LUZP2: variants seen among roughly 807,000 people sequenced by gnomAD.
LUZP2 encodes the protein leucine zipper protein 2.
LUZP2 carries 52 observed loss-of-function variants against 51.6 expected under a neutral mutation model. That is an observed-to-expected ratio of 1.01 (90% CI 0.81 to 1.27). The LOEUF is 1.27. Among genes scored for constraint, LUZP2 ranks in the 50% most tolerant of loss-of-function variants. The pLI, the probability that LUZP2 is intolerant of heterozygous loss-of-function variation, is 0.00. For missense variants in LUZP2, 436 were observed against 395.4 expected, an observed-to-expected ratio of 1.10 and a Z score of -0.87; for synonymous variants, 154 against 137.3, an observed-to-expected ratio of 1.12 and a Z score of -0.85.
chr11:24,702,505 A>G (rs141121292), intron 1 of LUZP2, among the ~76,000 whole-genome samples: 1 of 152,330 alleles, frequency 6.6e-6, no homozygotes, highest in Non-Finnish European at 1.5e-5. Flanking sequence ...TGAGCTTACA[A>G]TCATGGCAGA....
chr11:24,912,683 G>T (rs551631516), intron 6 of LUZP2, among the ~76,000 whole-genome samples: 1 of 151,998 alleles, frequency 6.6e-6, no homozygotes, highest in African/African-American at 2.4e-5. Context: ...GCTGGTGTGC[G>T]CCTGTAGTCC....
At chr11:24,833,602 T>C (rs752373074) in intron 5 of LUZP2, among the ~76,000 whole-genome samples, 1 of 152,052 alleles carries the variant, frequency 6.6e-6, no homozygotes, top group Non-Finnish European at 1.5e-5. Flanking sequence ...TAAAAAGTGC[T>C]CATTTTTGAG....
chr11:24,689,694 C>T (rs971973093), intron 1 of LUZP2, among the ~76,000 whole-genome samples: 1 of 152,144 alleles, frequency 6.6e-6, no homozygotes, highest in Non-Finnish European at 1.5e-5. Context: ...CTTTATCTAA[C>T]TTTATTTTTA....
intron 7 of LUZP2, among the ~76,000 whole-genome samples, chr11:24,975,700 G>C (rs1855864872): frequency 6.6e-6 from 1 of 152,062 alleles, no homozygotes; most frequent in African/African-American, 2.4e-5. Context: ...CAAGGGCTTT[G>C]CCCAATATCA....
At chr11:25,075,609 T>C (rs947258648) in intron 10 of LUZP2, among the ~76,000 whole-genome samples, 14 of 152,138 alleles carry the variant, frequency 9.2e-5, no homozygotes, top group African/African-American at 3.4e-4. Context: ...TTACAGTTGT[T>C]ATAAGCATTA....
At chr11:25,017,478 G>A (rs1249599285) in intron 9 of LUZP2, among the ~76,000 whole-genome samples, 1 of 152,056 alleles carries the variant, frequency 6.6e-6, no homozygotes, top group African/African-American at 2.4e-5. Context: ...TTCTACATGT[G>A]GCTATCCAGT....
chr11:24,623,422 G>A (rs1256536873), intron 1 of LUZP2, among the ~76,000 whole-genome samples: 1 of 152,124 alleles, frequency 6.6e-6, no homozygotes, highest in African/African-American at 2.4e-5. Context: ...ATATGACACA[G>A]ATTCATATAG....
At chr11:24,756,773 A>T (rs540624626) in intron 4 of LUZP2, among the ~76,000 whole-genome samples, 10 of 152,114 alleles carry the variant, frequency 6.6e-5, no homozygotes, top group African/African-American at 2.4e-4. Flanking sequence ...TTCTGACACT[A>T]CTTAGCTGGA....
intron 1 of LUZP2, among the ~76,000 whole-genome samples, chr11:24,694,465 T>G (rs533377130): frequency 6.4e-4 from 98 of 152,212 alleles, no homozygotes; most frequent in African/African-American, 2.3e-3. Flanking sequence ...AGAACTCACT[T>G]TAGCAAATAC....
At chr11:24,544,936 C>T (rs1851492649) in intron 1 of LUZP2, among the ~76,000 whole-genome samples, 1 of 152,032 alleles carries the variant, frequency 6.6e-6, no homozygotes, top group Non-Finnish European at 1.5e-5. Flanking sequence ...TCTCTGCAAA[C>T]CCAACAGCAC....
chr11:24,821,682 T>C (rs1479788065), intron 5 of LUZP2, among the ~76,000 whole-genome samples: 1 of 152,106 alleles, frequency 6.6e-6, no homozygotes, highest in East Asian at 1.9e-4. Flanking sequence ...ATGCAGACTT[T>C]CTTCTTGCAC....
intron 10 of LUZP2, among the ~76,000 whole-genome samples, chr11:25,068,939 C>T (rs1481355023): frequency 1.3e-5 from 2 of 151,864 alleles, no homozygotes; most frequent in African/African-American, 4.8e-5. Flanking sequence ...ATCGCTCAAG[C>T]CTCAGTTCAT....
rs2403973 is a variant in LUZP2 at position 24,638,997 on chromosome 11, G to C, written c.63-90172G>C. Among the ~76,000 whole-genome samples the C allele has an allele frequency of 2.5e-4, 38 of 151,742 alleles. No individual in the cohort carries two copies. In the East Asian group the frequency reaches 6.6e-3, roughly 26 times the overall value. On this transcript the variant is annotated intron_variant, in intron 1 of 11. Transcript: ENST00000336930. ...TGCCACAAGGAAAAAGAGAGAAAAT[G>C]TTCAAAAACTTGTCAAAGACCTGTT...
chr11:24,500,853 A>AT (rs1466673313), intron 1 of LUZP2, among the ~76,000 whole-genome samples: 1 of 152,100 alleles, frequency 6.6e-6, no homozygotes, highest in African/African-American at 2.4e-5. Context: ...CTACATGTTT[A>AT]TTTTGGAATC....
chr11:24,927,417 T>A (rs1854312532), intron 7 of LUZP2, among the ~76,000 whole-genome samples: 2 of 152,114 alleles, frequency 1.3e-5, no homozygotes, highest in Non-Finnish European at 2.9e-5. Context: ...ATTTGATCCA[T>A]CTTGAGTTGA....
intron 5 of LUZP2, among the ~76,000 whole-genome samples, chr11:24,792,141 C>G (rs933516014): frequency 6.6e-6 from 1 of 151,860 alleles, no homozygotes; most frequent in Admixed American, 6.6e-5. Flanking sequence ...AGAAATATAA[C>G]TTTATGGCCA....
At chr11:24,819,901 A>T (rs958620385) in intron 5 of LUZP2, among the ~76,000 whole-genome samples, 2 of 152,150 alleles carry the variant, frequency 1.3e-5, no homozygotes, top group Admixed American at 6.6e-5. Flanking sequence ...AGGCACAGAA[A>T]ATGAAAATGA....
At chr11:24,531,126 T>G (rs555125044) in intron 1 of LUZP2, among the ~76,000 whole-genome samples, 37 of 150,100 alleles carry the variant, frequency 2.5e-4, no homozygotes, top group African/African-American at 7.3e-4. Context: ...GCACTGTGTT[T>G]CACATTACCC....
chr11:24,937,773 C>A (rs1398215963), intron 7 of LUZP2, among the ~76,000 whole-genome samples: 1 of 151,878 alleles, frequency 6.6e-6, no homozygotes, highest in African/African-American at 2.4e-5. Context: ...TGGTGGCGGG[C>A]GCCCGTAGTT....
Sources: allele counts gnomAD v4.1 joint callset (sites outside exome capture counted in the v4.1 genomes callset), GRCh38; gene constraint gnomAD v4.1.1; transcripts MANE v1.5; gene names NCBI Gene and HGNC (gene_info 2026-07-23, HGNC 2026-07-21).